Variants in MOSMO observed in about 807,000 individuals in gnomAD.
MOSMO encodes modulator of smoothened.
Under a neutral mutation model 18.4 loss-of-function variants are expected in MOSMO, and 5 were observed. The observed-to-expected ratio is 0.27, with a 90% CI of 0.14 to 0.57. The LOEUF (loss-of-function observed/expected upper bound fraction) is 0.57, where lower values mean the gene tolerates loss of function less well. Among genes scored for constraint, MOSMO ranks in the 20% least tolerant of loss-of-function variants. MOSMO has a pLI of 0.92. For missense variants in MOSMO, 138 were observed against 211.8 expected, an observed-to-expected ratio of 0.65 and a Z score of 2.16; for synonymous variants, 82 against 82.3, an observed-to-expected ratio of 1.00 and a Z score of 0.02.
At chr16:22,062,270 G>A (rs1187621813) in intron 1 of MOSMO, among the ~76,000 whole-genome samples, 4 of 133,888 alleles carry the variant, frequency 3.0e-5, no homozygotes, top group African/African-American at 1.2e-4. Flanking sequence ...ATATAAAAAA[G>A]AGAAAGATAG....
chr16:22,064,737 C>CT (rs1004219024), intron 1 of MOSMO, among the ~76,000 whole-genome samples: 270 of 151,422 alleles, frequency 1.8e-3, no homozygotes, highest in African/African-American at 5.8e-3. Flanking sequence ...AGCAAACATT[C>CT]TTTTTTTTTC....
Position 22,042,081 on chromosome 16 carries a change from G to A in MOSMO, c.107-33406G>A, listed in dbSNP as rs1444740536. ...CAGGAGATTTTTCAGGTGGAGGAGG[G>A]CAAATAAGGTTTGCTTCATTTGTAT... On this transcript the variant is annotated intron_variant, in intron 1 of 2. Coordinates refer to ENST00000542527, the MANE Select transcript of MOSMO (RefSeq NM_001164579.2). Among the ~76,000 whole-genome samples the A allele has an allele frequency of 3.3e-5, 5 of 152,170 alleles. No homozygotes were observed. The East Asian group carries it at 9.6e-4, about 29-fold the overall frequency.
chr16:22,042,958 C>T (rs1416265163), intron 1 of MOSMO, among the ~76,000 whole-genome samples: 1 of 152,204 alleles, frequency 6.6e-6, no homozygotes, highest in Non-Finnish European at 1.5e-5. Flanking sequence ...GTCACACCCA[C>T]CTCTGTCTTA....
chr16:22,019,983 G>T (rs919244329), intron 1 of MOSMO, among the ~76,000 whole-genome samples: 9 of 151,978 alleles, frequency 5.9e-5, no homozygotes, highest in African/African-American at 2.2e-4. Flanking sequence ...GGAGGCCGAG[G>T]CGGGCAGATC....
At chr16:22,056,496 G>C (rs149720937) in intron 1 of MOSMO, among the ~76,000 whole-genome samples, 4,307 of 148,922 alleles carry the variant, frequency 0.029, 185 homozygotes, top group African/African-American at 0.099. Context: ...TCAGGCTCCT[G>C]AGTAGCTGGG....
intron 1 of MOSMO, among the ~76,000 whole-genome samples, chr16:22,025,674 T>C (rs1439000263): frequency 2.6e-5 from 4 of 152,198 alleles, no homozygotes. Flanking sequence ...GGATATAACC[T>C]AAGGACAAAA....
intron 2 of MOSMO, among the ~76,000 whole-genome samples, chr16:22,078,699 G>T (rs1014612578): frequency 6.6e-6 from 1 of 152,024 alleles, no homozygotes; most frequent in South Asian, 2.1e-4. Context: ...CAATAATTTT[G>T]CCCCATTGTT....
intron 1 of MOSMO, among the ~76,000 whole-genome samples, chr16:22,052,897 A>G (rs1002681506): frequency 5.9e-5 from 9 of 151,784 alleles, no homozygotes; most frequent in African/African-American, 2.2e-4. Context: ...AGAAAACGAG[A>G]TTAGAGAGGG....
intron 1 of MOSMO, among the ~76,000 whole-genome samples, chr16:22,021,982 G>A (rs1899773385): frequency 6.6e-6 from 1 of 152,038 alleles, no homozygotes; most frequent in Non-Finnish European, 1.5e-5. Flanking sequence ...TAATATATCT[G>A]AAACATCTAC....
intron 1 of MOSMO, among the ~76,000 whole-genome samples, chr16:22,068,601 A>G (rs967745917): frequency 2.6e-4 from 39 of 152,174 alleles, no homozygotes; most frequent in African/African-American, 9.2e-4. Flanking sequence ...TATTCTGGAC[A>G]TTTCACATAA....
Position 22,064,540 on chromosome 16 carries a change from CCTT to C in MOSMO, c.107-10944_107-10942del, listed in dbSNP as rs1598020676. On this transcript the variant is annotated intron_variant, in intron 1 of 2. Coordinates refer to ENST00000542527, the MANE Select transcript of MOSMO (RefSeq NM_001164579.2). ...CATTGTAATTTAAATTCCATTTTAA[CCTT>C]CTACCTGACTCACTTTGGTTTATGC... The C allele has an allele frequency of 1.2e-5, 5 of 420,700 alleles. No individual in the cohort carries two copies. The East Asian group carries it at 3.6e-4, about 31-fold the overall frequency. The allele number at this position is 420,700 out of a possible 1,614,324, so 26.1% of individuals were successfully genotyped here.
At chr16:22,021,980 C>G (rs1899773311) in intron 1 of MOSMO, among the ~76,000 whole-genome samples, 1 of 152,040 alleles carries the variant, frequency 6.6e-6, no homozygotes, top group African/African-American at 2.4e-5. Context: ...GTTAATATAT[C>G]TGAAACATCT....
At chr16:22,079,059 T>C (rs977220219) in intron 2 of MOSMO, among the ~76,000 whole-genome samples, 1 of 152,214 alleles carries the variant, frequency 6.6e-6, no homozygotes, top group Non-Finnish European at 1.5e-5. Flanking sequence ...TTTCTTAAGC[T>C]GATGTATTAC....
rs201226573 is a variant in MOSMO at position 22,028,013 on chromosome 16, T to C, written c.106+19606T>C. ...CGTTTTTTAGGTCATTAGATTTATATAGTTCAAATTTATTGGTGTCAGTTC... is the reference window on the plus strand; with the variant it reads ...CGTTTTTTAGGTCATTAGATTTATACAGTTCAAATTTATTGGTGTCAGTTC... On this transcript the variant is annotated intron_variant, in intron 1 of 2. Transcript: ENST00000542527. Among the ~76,000 whole-genome samples the C allele has an allele frequency of 2.6e-5, 4 of 152,168 alleles. No homozygotes were observed. In the East Asian group the frequency reaches 7.7e-4, roughly 29 times the overall value.
chr16:22,026,586 G>A (rs1160835302), intron 1 of MOSMO, among the ~76,000 whole-genome samples: 1 of 152,140 alleles, frequency 6.6e-6, no homozygotes, highest in African/African-American at 2.4e-5. Flanking sequence ...ATTTGGTGGT[G>A]AGACATACGG....
At chr16:22,047,761 A>T (rs1598012101) in intron 1 of MOSMO, among the ~76,000 whole-genome samples, 1 of 152,180 alleles carries the variant, frequency 6.6e-6, no homozygotes, top group Non-Finnish European at 1.5e-5. Context: ...TGGGAAGCTG[A>T]CACTGAGACA....
intron 1 of MOSMO, among the ~76,000 whole-genome samples, chr16:22,068,022 T>C (rs1317045155): frequency 1.3e-5 from 2 of 152,188 alleles, no homozygotes; most frequent in African/African-American, 2.4e-5. Context: ...ACATGTTCTA[T>C]AGGAAATACT....
intron 1 of MOSMO, among the ~76,000 whole-genome samples, chr16:22,018,639 CAG>C (rs890992219): frequency 1.3e-5 from 2 of 152,106 alleles, no homozygotes; most frequent in African/African-American, 2.4e-5. Flanking sequence ...CTGAAATAAT[CAG>C]AGAGATTATG....
intron 1 of MOSMO, among the ~76,000 whole-genome samples, chr16:22,044,360 CTG>C (rs1407309607): frequency 6.6e-6 from 1 of 152,148 alleles, no homozygotes; most frequent in East Asian, 1.9e-4. Context: ...TTAAGTACTT[CTG>C]TGTGCCAGGG....
Sources: allele counts gnomAD v4.1 joint callset (sites outside exome capture counted in the v4.1 genomes callset), GRCh38; gene constraint gnomAD v4.1.1; transcripts MANE v1.5; gene names NCBI Gene and HGNC (gene_info 2026-07-23, HGNC 2026-07-21).